PCLO: variants seen among roughly 807,000 people sequenced by gnomAD.
The protein encoded by PCLO is protein piccolo.
A neutral mutation model predicts 427.5 loss-of-function variants in PCLO; 82 were observed. The ratio of observed to expected loss-of-function variants is 0.19; its 90% CI spans 0.16 to 0.23. PCLO has a LOEUF of 0.23. PCLO is among the 10% of genes least tolerant of loss of function. PCLO has a pLI of 1.00. For synonymous variants in PCLO, 2,357 were observed against 2,155.4 expected (o/e 1.09, Z -2.59); for missense variants, 6,239 against 6,115.9 (o/e 1.02, Z -0.67).
At chr7:83,150,234 A>G (rs1347824248) in intron 2 of PCLO, among the ~76,000 whole-genome samples, 1 of 152,198 alleles carries the variant, frequency 6.6e-6, no homozygotes, top group Admixed American at 6.5e-5. Flanking sequence ...TCTGCCTCCA[A>G]TTAGAAAGCA....
intron 3 of PCLO, among the ~76,000 whole-genome samples, chr7:82,999,864 A>AAATATAATATATAATATTATATAT (rs1787771622): frequency 1.3e-5 from 1 of 77,282 alleles, no homozygotes; most frequent in African/African-American, 6.2e-5. Flanking sequence ...ATATTATATA[A>AAATATAATATATAATATTATATAT]AATATAATAT....
chr7:83,088,716 C>T (rs908990841), intron 3 of PCLO, among the ~76,000 whole-genome samples: 1 of 152,098 alleles, frequency 6.6e-6, no homozygotes, highest in African/African-American at 2.4e-5. Context: ...GTTCAGCAGC[C>T]CCTGCCTCAT....
intron 10 of PCLO, among the ~76,000 whole-genome samples, chr7:82,859,233 G>T (rs545333383): frequency 1.3e-5 from 2 of 152,168 alleles, no homozygotes; most frequent in South Asian, 4.1e-4. Flanking sequence ...GCTAATTGTA[G>T]AGTTCCAGGG....
At chr7:82,776,869 T>TAG (rs1449943145) in intron 22 of PCLO, among the ~76,000 whole-genome samples, 2 of 151,440 alleles carry the variant, frequency 1.3e-5, no homozygotes, top group East Asian at 3.9e-4. Flanking sequence ...TGTATATGTA[T>TAG]AGATATACAT....
At chr7:83,095,301 C>T (rs1483626130) in intron 3 of PCLO, among the ~76,000 whole-genome samples, 2 of 151,914 alleles carry the variant, frequency 1.3e-5, no homozygotes, top group African/African-American at 4.8e-5. Context: ...ACTGATATGC[C>T]TTGTTTCATT....
At chr7:82,871,872 A>G (rs539449463) in intron 10 of PCLO, among the ~76,000 whole-genome samples, 4 of 152,080 alleles carry the variant, frequency 2.6e-5, no homozygotes, top group Admixed American at 6.6e-5. Context: ...GCTTTAAAAA[A>G]TGGTGCATAG....
intron 22 of PCLO, among the ~76,000 whole-genome samples, chr7:82,764,674 G>C (rs1790497039): frequency 6.6e-6 from 1 of 151,706 alleles, no homozygotes; most frequent in African/African-American, 2.4e-5. Flanking sequence ...ACAGAATTCA[G>C]GCCAAAATGC....
rs533716620 is a variant in PCLO at position 83,065,874 on chromosome 7, G to A, written c.3300+68376C>T. ...CTGTGATGAAATCTGGTCATGAGAC[G>A]TTCTTTAACAATGGGGAACAAACGT... On this transcript the variant is annotated intron_variant, in intron 3 of 24. Coordinates refer to ENST00000333891, the MANE Select transcript of PCLO (RefSeq NM_033026.6). Among the ~76,000 whole-genome samples, 15 of 152,186 alleles carry A rather than the reference G, an allele frequency of 9.9e-5. No homozygotes were observed. The South Asian group carries it at 2.1e-3, about 21-fold the overall frequency.
chr7:82,812,922 A>AT, intron 20 of PCLO, among the ~76,000 whole-genome samples: 1 of 151,536 alleles, frequency 6.6e-6, no homozygotes, highest in Non-Finnish European at 1.5e-5. Flanking sequence ...GAAAAAAAAA[A>AT]CTCAAGCAGG....
At chr7:82,847,083 T>C in intron 11 of PCLO, 56 bp downstream of exon 11, 1 of 882,328 alleles carries the variant, frequency 1.1e-6, no homozygotes, top group South Asian at 1.5e-5. Context: ...CAATTTTAAA[T>C]TAAAAGAGTC....
intron 10 of PCLO, among the ~76,000 whole-genome samples, chr7:82,861,939 T>C (rs1357883599): frequency 2.7e-4 from 41 of 151,866 alleles, no homozygotes; most frequent in Non-Finnish European, 3.0e-5. Flanking sequence ...TGGAAACACA[T>C]ACTAAAACCC....
chr7:82,846,757 C>A, intron 11 of PCLO, 123 bp from the exon 12 acceptor site: 1 of 620,612 alleles, frequency 1.6e-6, no homozygotes, highest in Non-Finnish European at 2.8e-6. Context: ...TATAAAGCAA[C>A]TCCAAAGCAT....
intron 19 of PCLO, 117 bp from the exon 20 acceptor site, chr7:82,822,806 A>G: frequency 1.2e-6 from 1 of 828,322 alleles, no homozygotes; most frequent in Non-Finnish European, 2.0e-6. Context: ...GTCTTATATG[A>G]TTCATTTATG....
intron 21 of PCLO, among the ~76,000 whole-genome samples, chr7:82,804,286 A>G (rs1360089363): frequency 6.7e-6 from 1 of 149,230 alleles, no homozygotes; most frequent in Non-Finnish European, 1.5e-5. Flanking sequence ...TAAATCTCAT[A>G]AAAGAAAAGA....
At chr7:82,956,981 TA>T (rs754144006) in intron 4 of PCLO, 46 bp from the exon 5 acceptor site, 108 of 1,482,504 alleles carry the variant, frequency 7.3e-5, no homozygotes, top group Non-Finnish European at 8.7e-5. Flanking sequence ...ATGGTTAAAC[TA>T]AAAACATGGC....
chr7:82,950,452 T>G lies in PCLO; in HGVS notation c.10136A>C (p.Asp3379Ala). The change falls in exon 6 of 25, where the codon GAT (aspartate) becomes GCT (alanine). Residue 3379 changes from aspartate (D) to alanine (A), a missense_variant. Coordinates refer to ENST00000333891, the MANE Select transcript of PCLO (RefSeq NM_033026.6). ...TGGGGCAATGTACTGAGTAACACCA[T>G]CAGACTGAACGGTGTACCATCCTTG... ...QSQGWYTVQS[D>A]GVTQYIAPPG... 6.2e-7 allele frequency: 1 copy of G among 1,613,744 alleles called. No homozygotes were observed. The highest frequency in any genetic ancestry group is 8.5e-7 in the Non-Finnish European group (1 of 1,179,826).
intron 3 of PCLO, among the ~76,000 whole-genome samples, chr7:83,073,288 C>T (rs191385814): frequency 1.3e-5 from 2 of 152,108 alleles, no homozygotes; most frequent in Admixed American, 1.3e-4. Flanking sequence ...TATGGTTAAA[C>T]TAACAGCCAT....
At chr7:82,856,527 G>C (rs1045845064) in intron 10 of PCLO, among the ~76,000 whole-genome samples, 1 of 152,100 alleles carries the variant, frequency 6.6e-6, no homozygotes, top group Non-Finnish European at 1.5e-5. Flanking sequence ...GACTGAATCA[G>C]AAAGTGGCTG....
intron 3 of PCLO, among the ~76,000 whole-genome samples, chr7:83,106,689 ATATAAG>A (rs542770898): frequency 1.2e-3 from 185 of 152,292 alleles, no homozygotes; most frequent in African/African-American, 3.9e-3. Flanking sequence ...GAAAAGGAAA[ATATAAG>A]TATGTTTTAT....
Sources: allele counts gnomAD v4.1 joint callset (sites outside exome capture counted in the v4.1 genomes callset), GRCh38; gene constraint gnomAD v4.1.1; transcripts MANE v1.5; gene names NCBI Gene and HGNC (gene_info 2026-07-23, HGNC 2026-07-21).